AJAP1: variants seen among roughly 807,000 people sequenced by gnomAD.
The protein encoded by AJAP1 is adherens junction-associated protein 1.
In AJAP1, 5 loss-of-function variants were observed where a neutral mutation model predicts 35.0. The observed-to-expected ratio is 0.14, with a 90% CI of 0.07 to 0.30. The LOEUF (loss-of-function observed/expected upper bound fraction) is 0.30. AJAP1 is among the 10% of genes least tolerant of loss of function. The pLI is 1.00. For missense variants in AJAP1, 586 were observed against 571.0 expected, an observed-to-expected ratio of 1.03 and a Z score of -0.27; for synonymous variants, 284 against 249.3, an observed-to-expected ratio of 1.14 and a Z score of -1.31.
At chr1:4,715,713 C>T (rs372578667) in intron 2 of AJAP1, among the ~76,000 whole-genome samples, 23 of 152,152 alleles carry the variant, frequency 1.5e-4, no homozygotes, top group South Asian at 8.3e-4. Flanking sequence ...TTTTCCTAAA[C>T]GGTTGCTGTG....
At chr1:4,776,579 A>T in intron 5 of AJAP1, among the ~76,000 whole-genome samples, 1 of 152,190 alleles carries the variant, frequency 6.6e-6, no homozygotes, top group East Asian at 1.9e-4. Context: ...GGCAAAAAAA[A>T]GTGTTTTATT....
At chr1:4,696,231 CTG>C (rs2100235595) in intron 1 of AJAP1, among the ~76,000 whole-genome samples, 1 of 152,304 alleles carries the variant, frequency 6.6e-6, no homozygotes, top group East Asian at 1.9e-4. Flanking sequence ...TCCCAGGAAA[CTG>C]TTTTTTCCCC....
chr1:4,753,924 T>C (rs4654605), intron 2 of AJAP1, among the ~76,000 whole-genome samples: 29,682 of 152,206 alleles, frequency 0.2, 3,656 homozygotes, highest in Admixed American at 0.31. Flanking sequence ...ACTTATTCTA[T>C]GAGACTATGT....
chr1:4,756,249 G>A (rs1033749918), intron 2 of AJAP1, among the ~76,000 whole-genome samples: 1 of 152,194 alleles, frequency 6.6e-6, no homozygotes, highest in African/African-American at 2.4e-5. Context: ...AGCCCACAGT[G>A]GTGAGGGGCT....
chr1:4,721,822 A>G (rs1441756719), intron 2 of AJAP1, among the ~76,000 whole-genome samples: 2 of 152,252 alleles, frequency 1.3e-5, no homozygotes, highest in Non-Finnish European at 2.9e-5. Flanking sequence ...CACCTTGCAG[A>G]GAAAACATAA....
At position 4,695,778 on chromosome 1, in the gene AJAP1, CT is replaced by C. The variant is rs1403156814; in HGVS notation, c.30-16121del. 1.3e-5 allele frequency among the ~76,000 whole-genome samples: 2 copies of C among 152,136 alleles called. 1 individual carries two copies. Among genetic ancestry groups the C allele is most frequent in the South Asian group, 4.1e-4 (2 of 4,830 alleles). ...TTGGATTAGGGCCCACCCTAATACC[CT>C]CGTATTCACTTAATTACCTCTGTAA... On this transcript the variant is annotated intron_variant, in intron 1 of 5. Transcript: ENST00000378191.
chr1:4,772,758 A>C (rs1382991583), intron 4 of AJAP1, among the ~76,000 whole-genome samples: 2 of 152,038 alleles, frequency 1.3e-5, no homozygotes. Context: ...TTCCTTCCAG[A>C]CCCCTGGACG....
At chr1:4,669,265 T>C (rs571492332) in intron 1 of AJAP1, among the ~76,000 whole-genome samples, 1 of 152,324 alleles carries the variant, frequency 6.6e-6, no homozygotes, top group African/African-American at 2.4e-5. Flanking sequence ...CAGTATGGCC[T>C]GTTTTGGACA....
intron 1 of AJAP1, among the ~76,000 whole-genome samples, chr1:4,700,581 G>A (rs1359024663): frequency 1.3e-5 from 2 of 152,208 alleles, no homozygotes; most frequent in Non-Finnish European, 2.9e-5. Flanking sequence ...TTCTGATCCT[G>A]CCCCATTCGC....
At chr1:4,679,887 A>G (rs1028051869) in intron 1 of AJAP1, among the ~76,000 whole-genome samples, 23 of 150,610 alleles carry the variant, frequency 1.5e-4, no homozygotes, top group Admixed American at 1.5e-3. Flanking sequence ...GGCTCACATG[A>G]TCAGGGAGGC....
chr1:4,730,255 C>G (rs187520282), intron 2 of AJAP1, among the ~76,000 whole-genome samples: 1 of 152,188 alleles, frequency 6.6e-6, no homozygotes, highest in Non-Finnish European at 1.5e-5. Flanking sequence ...CTTGCTGCTG[C>G]GTTTGTAGCC....
chr1:4,690,738 CAG>C (rs1454853940), intron 1 of AJAP1, among the ~76,000 whole-genome samples: 1 of 152,168 alleles, frequency 6.6e-6, no homozygotes, highest in Non-Finnish European at 1.5e-5. Context: ...ACACGGTCCA[CAG>C]AGAGAGAACT....
intron 2 of AJAP1, among the ~76,000 whole-genome samples, chr1:4,732,754 C>T (rs902917901): frequency 4.6e-5 from 7 of 152,242 alleles, no homozygotes; most frequent in African/African-American, 1.7e-4. Context: ...CAGTGGGCTC[C>T]TTAATACAAT....
intron 1 of AJAP1, among the ~76,000 whole-genome samples, chr1:4,665,999 T>C (rs574889858): frequency 8.5e-4 from 130 of 152,212 alleles, no homozygotes; most frequent in African/African-American, 3.0e-3. Flanking sequence ...GGGAATGGGG[T>C]GGCTGCCGTT....
At position 4,774,480 on chromosome 1, in the gene AJAP1, G is replaced by C; in HGVS notation, c.1217G>C (p.Trp406Ser). The change falls in exon 5 of 6, where the codon TGG becomes TCG. Residue 406 changes from tryptophan (W) to serine (S), a missense_variant. Transcript: ENST00000378191. ...CCTGTGGCCTTCGTGTCTGAGAAAT[G>C]GTTTGAAATCTCCTGCTGACTGGCC... is the stretch of plus-strand genomic sequence containing the variant. ...LIPVAFVSEK[W>S]FEISC The C allele has an allele frequency of 6.2e-7, 1 of 1,614,196 alleles. No individual in the cohort carries two copies. Among genetic ancestry groups the C allele is most frequent in the Non-Finnish European group, 8.5e-7 (1 of 1,180,036 alleles).
chr1:4,764,924 A>T (rs1413664757), intron 2 of AJAP1, among the ~76,000 whole-genome samples: 2 of 152,232 alleles, frequency 1.3e-5, no homozygotes, highest in Non-Finnish European at 2.9e-5. Flanking sequence ...AAACTTCCAC[A>T]TCAATCTTCA....
intron 1 of AJAP1, among the ~76,000 whole-genome samples, chr1:4,697,361 C>G (rs553587877): frequency 6.6e-6 from 1 of 152,242 alleles, no homozygotes; most frequent in Non-Finnish European, 1.5e-5. Flanking sequence ...TTTGTGGCTT[C>G]GCACAAGGAA....
At chr1:4,677,631 G>T in intron 1 of AJAP1, among the ~76,000 whole-genome samples, 1 of 152,130 alleles carries the variant, frequency 6.6e-6, no homozygotes, top group Non-Finnish European at 1.5e-5. Context: ...TTGCCATTCA[G>T]CGGGCATAAA....
intron 2 of AJAP1, among the ~76,000 whole-genome samples, chr1:4,740,543 T>G (rs1226022503): frequency 6.6e-6 from 1 of 151,822 alleles, no homozygotes; most frequent in Non-Finnish European, 1.5e-5. Context: ...CCCAGCACTT[T>G]GGGAGGCCGA....
Sources: gnomAD v4.1 joint callset for allele counts (sites outside exome capture counted in the v4.1 genomes callset) on GRCh38, gnomAD v4.1.1 for gene constraint, MANE v1.5 for transcripts, NCBI Gene and HGNC (gene_info 2026-07-23, HGNC 2026-07-21) for gene names.